Variants in LRRC7 observed in about 807,000 individuals in gnomAD.
LRRC7 encodes leucine rich repeat containing 7.
In LRRC7, 23 loss-of-function variants were observed where a neutral mutation model predicts 175.7. The ratio of observed to expected loss-of-function variants is 0.13; its 90% confidence interval spans 0.09 to 0.19. The LOEUF is 0.19. Ranked by LOEUF, LRRC7 falls within the 10% of genes least tolerant of loss-of-function variation. The pLI is 1.00. For synonymous variants in LRRC7, 685 were observed against 680.9 expected, an observed-to-expected ratio of 1.01 and a Z score of -0.09; for missense variants, 1,354 against 1,904.7, an observed-to-expected ratio of 0.71 and a Z score of 5.38.
At chr1:69,642,770 G>C (rs1654404735) in intron 1 of LRRC7, among the ~76,000 whole-genome samples, 1 of 151,932 alleles carries the variant, frequency 6.6e-6, no homozygotes, top group South Asian at 2.1e-4. Flanking sequence ...CATTGTATCA[G>C]TTGGTATTCT....
At chr1:70,020,653 A>T (rs1657390365) in intron 15 of LRRC7, among the ~76,000 whole-genome samples, 1 of 152,072 alleles carries the variant, frequency 6.6e-6, no homozygotes, top group African/African-American at 2.4e-5. Context: ...GATTAGTAAT[A>T]CCATTGTGTT....
At chr1:70,052,583 C>G (rs1660830074) in intron 22 of LRRC7, among the ~76,000 whole-genome samples, 1 of 151,904 alleles carries the variant, frequency 6.6e-6, no homozygotes, top group African/African-American at 2.4e-5. Flanking sequence ...ATCAATACAA[C>G]CTTATAAAAT....
intron 4 of LRRC7, among the ~76,000 whole-genome samples, chr1:69,816,019 C>T (rs1396386127): frequency 5.9e-5 from 9 of 151,870 alleles, no homozygotes; most frequent in Admixed American, 3.9e-4. Flanking sequence ...CTTGCTGTGT[C>T]GCCCAGGCTG....
At chr1:69,603,050 G>A (rs1569856323) in intron 1 of LRRC7, among the ~76,000 whole-genome samples, 2 of 152,122 alleles carry the variant, frequency 1.3e-5, no homozygotes, top group South Asian at 4.1e-4. Context: ...TGTATTCCTA[G>A]TATTGAGTGA....
chr1:70,142,887 T>G lies in LRRC7; in HGVS notation c.*21000T>G, dbSNP rs1667122035. 1 of 152,090 alleles carries G rather than the reference T, an allele frequency of 6.6e-6. No individual in the cohort carries two copies. The highest frequency in any genetic ancestry group is 2.4e-5 in the African/African-American group (1 of 41,430). The allele number at this position is 152,090 out of a possible 1,614,324, so 9.4% of individuals were successfully genotyped here. On this transcript the variant is annotated 3_prime_UTR_variant, in exon 27 of 27. Coordinates refer to ENST00000651989, the MANE Select transcript of LRRC7 (RefSeq NM_001370785.2). ...GAATTATATGTAAAAGGATACTAGA[T>G]ATTATGTTTTGGATGTTTTCTAAGT...
At chr1:69,572,347 CA>C (rs1472395273) in intron 1 of LRRC7, among the ~76,000 whole-genome samples, 1 of 151,870 alleles carries the variant, frequency 6.6e-6, no homozygotes, top group Non-Finnish European at 1.5e-5. Context: ...TCTGATGGAA[CA>C]AAAAAGCAAA....
At chr1:69,569,768 C>T (rs1645659610) in intron 1 of LRRC7, among the ~76,000 whole-genome samples, 1 of 151,906 alleles carries the variant, frequency 6.6e-6, no homozygotes, top group Non-Finnish European at 1.5e-5. Context: ...AGTCATAAAG[C>T]GAGCGGGTTG....
intron 7 of LRRC7, among the ~76,000 whole-genome samples, chr1:69,887,496 G>A (rs1423907607): frequency 2.0e-5 from 3 of 148,154 alleles, no homozygotes; most frequent in African/African-American, 7.7e-5. Flanking sequence ...TCTCTCTATT[G>A]GTTATTCTAG....
chr1:69,859,770 A>T lies in LRRC7; in HGVS notation c.647+21487A>T, dbSNP rs1056409970. Among the ~76,000 whole-genome samples, 6 of 152,022 alleles carry T rather than the reference A, an allele frequency of 3.9e-5. No homozygotes were observed. The South Asian group carries it at 6.2e-4, about 16-fold the overall frequency. On this transcript the variant is annotated intron_variant, in intron 7 of 26. Coordinates refer to ENST00000651989, the MANE Select transcript of LRRC7 (RefSeq NM_001370785.2). Reference sequence around the variant, plus strand: ...ATAAGGAATTCAAAATAGTGAAAAAAAGTTTCTCAAAATGACAGTATGATA... The same window carrying T: ...ATAAGGAATTCAAAATAGTGAAAAATAGTTTCTCAAAATGACAGTATGATA...
intron 3 of LRRC7, among the ~76,000 whole-genome samples, chr1:69,763,234 G>C (rs1053947605): frequency 6.6e-6 from 1 of 151,918 alleles, no homozygotes; most frequent in African/African-American, 2.4e-5. Context: ...AATCAGAATT[G>C]ATGGGTTTCT....
chr1:69,863,101 A>C (rs945998345), intron 7 of LRRC7, among the ~76,000 whole-genome samples: 1 of 152,156 alleles, frequency 6.6e-6, no homozygotes, highest in Non-Finnish European at 1.5e-5. Context: ...TCTTAGGCCT[A>C]TTTCTTACTC....
chr1:69,924,043 C>T (rs1301089539), intron 7 of LRRC7, among the ~76,000 whole-genome samples: 1 of 152,104 alleles, frequency 6.6e-6, no homozygotes, highest in East Asian at 1.9e-4. Context: ...TTCCCAGGAC[C>T]ATTTATTAAA....
intron 1 of LRRC7, among the ~76,000 whole-genome samples, chr1:69,571,075 G>A (rs980661460): frequency 6.6e-6 from 1 of 152,170 alleles, no homozygotes; most frequent in Non-Finnish European, 1.5e-5. Flanking sequence ...ATACTAATAT[G>A]TAATGATAAG....
intron 8 of LRRC7, among the ~76,000 whole-genome samples, chr1:69,964,190 A>G (rs187695457): frequency 1.3e-5 from 2 of 152,312 alleles, no homozygotes; most frequent in Admixed American, 1.3e-4. Flanking sequence ...AAATCTCTGT[A>G]AAATAGAGAT....
chr1:70,003,490 T>TA (rs1393639222), intron 11 of LRRC7, among the ~76,000 whole-genome samples: 2 of 152,064 alleles, frequency 1.3e-5, no homozygotes, highest in African/African-American at 2.4e-5. Context: ...TAGAGCAATT[T>TA]AAAAAAGAAA....
At chr1:70,070,274 G>T (rs945785552) in intron 23 of LRRC7, among the ~76,000 whole-genome samples, 1 of 152,054 alleles carries the variant, frequency 6.6e-6, no homozygotes, top group Non-Finnish European at 1.5e-5. Context: ...GGGTTATAGG[G>T]TTGAGCTACA....
intron 23 of LRRC7, among the ~76,000 whole-genome samples, chr1:70,057,213 G>T (rs1303547960): frequency 6.6e-6 from 1 of 152,154 alleles, no homozygotes; most frequent in Non-Finnish European, 1.5e-5. Flanking sequence ...AGAGTAGAGA[G>T]AATAAGGACC....
chr1:70,091,098 A>C (rs570763223), intron 25 of LRRC7, among the ~76,000 whole-genome samples: 9 of 152,276 alleles, frequency 5.9e-5, no homozygotes, highest in African/African-American at 2.2e-4. Context: ...ACTCATATAA[A>C]AGGAATGTAT....
intron 8 of LRRC7, among the ~76,000 whole-genome samples, chr1:69,941,653 A>T (rs1472300286): frequency 6.6e-6 from 1 of 152,096 alleles, no homozygotes; most frequent in East Asian, 1.9e-4. Context: ...GTTATTCAGA[A>T]TAAAAAAAAG....
Sources: gnomAD v4.1 joint callset for allele counts (sites outside exome capture counted in the v4.1 genomes callset) on GRCh38, gnomAD v4.1.1 for gene constraint, MANE v1.5 for transcripts, NCBI Gene and HGNC (gene_info 2026-07-23, HGNC 2026-07-21) for gene names.